Variants in RNASE13 observed in about 807,000 individuals in gnomAD.
RNASE13 encodes ribonuclease A family member 13 (inactive).
For synonymous variants in RNASE13, 67 were observed against 71.6 expected (o/e 0.94, Z 0.32); for missense variants, 188 against 192.8 (o/e 0.98, Z 0.15).
chr14:21,033,542 C>T lies in RNASE13; in HGVS notation c.*276G>A. The T allele has an allele frequency of 2.0e-6, 1 of 488,606 alleles. No individual in the cohort carries two copies. 30.3% of individuals were successfully genotyped at this position (488,606 alleles called of 1,614,324 possible). ...GTGGACAGTCACTGCCAACTGGACA[C>T]AGTCAACTTCTTGGGTGGGTTTTAC... On this transcript the variant is annotated 3_prime_UTR_variant, in exon 2 of 2. Coordinates refer to ENST00000382951, the MANE Select transcript of RNASE13 (RefSeq NM_001012264.4).
In RNASE13 at chr14:21,032,926, A is replaced by C; in HGVS notation, c.*892T>G. 1 of 455,886 alleles carries C rather than the reference A, an allele frequency of 2.2e-6. No homozygotes were observed. Among genetic ancestry groups the C allele is most frequent in the South Asian group, 1.5e-5 (1 of 64,542 alleles). 28.2% of individuals were successfully genotyped at this position (455,886 alleles called of 1,614,324 possible). A position where few individuals can be genotyped will look rare whatever the true frequency, so the allele number is the denominator to read the frequency against. ...CTTCACCCAGTTTCCCCCAATGGTT[A>C]CATCTTACATACTCAGATGTGGTTT... is the stretch of plus-strand genomic sequence containing the variant. On this transcript the variant is annotated 3_prime_UTR_variant, in exon 2 of 2. Transcript: ENST00000382951.
chr14:21,034,184 T>G lies in RNASE13; in HGVS notation c.105A>C (p.Leu35Phe), dbSNP rs780855007. The G allele has an allele frequency of 2.5e-6, 4 of 1,613,734 alleles. No individual in the cohort carries two copies. The highest frequency in any genetic ancestry group is 3.4e-6 in the Non-Finnish European group (4 of 1,179,854). ...AGTTAACCCTGGGATAGTCAATGCT[T>G]AAGGTATAGAAGTTCCTGCTGCCAA... is the stretch of plus-strand genomic sequence containing the variant. ...MQIGSRNFYTLSIDYPRVNYP... is the reference protein window; with the variant it reads ...MQIGSRNFYTFSIDYPRVNYP... Residue 35 changes from leucine to phenylalanine, a missense_variant, in exon 2 of 2, where the codon TTA (leucine) becomes TTC (phenylalanine). By Grantham distance (22) the Leu-to-Phe change is conservative (BLOSUM62 0). Coordinates refer to ENST00000382951, the MANE Select transcript of RNASE13 (RefSeq NM_001012264.4).
intron 1 of RNASE13, 93 bp from the exon 2 acceptor site, chr14:21,034,389 T>G: frequency 1.2e-6 from 1 of 823,854 alleles, no homozygotes; most frequent in Non-Finnish European, 1.9e-6. Context: ...CCAACAGTAC[T>G]TTAGAGATCA....
At chr14:21,034,384 A>G in intron 1 of RNASE13, 88 bp from the exon 2 acceptor site, 1 of 838,426 alleles carries the variant, frequency 1.2e-6, no homozygotes, top group Non-Finnish European at 1.9e-6. Flanking sequence ...CCAACCCAAC[A>G]GTACTTTAGA....
rs766963017 is a variant in RNASE13 at position 21,034,141 on chromosome 14, C to T, written c.148G>A (p.Gly50Ser). 6.2e-7 allele frequency: 1 copy of T among 1,614,106 alleles called. No homozygotes were observed. Among genetic ancestry groups the T allele is most frequent in the South Asian group, 1.1e-5 (1 of 91,072 alleles). Reference sequence around the variant, plus strand: ...TAGGACATCAGACCATTACAATAGCCCCGGAAACCCTTTGGGTAGTTAACC... The same window carrying T: ...TAGGACATCAGACCATTACAATAGCTCCGGAAACCCTTTGGGTAGTTAACC... ...PRVNYPKGFR[G>S]YCNGLMSYMR... The change falls in exon 2 of 2, where the codon GGC (glycine) becomes AGC (serine). Residue 50 changes from glycine to serine, a missense_variant. Transcript: ENST00000382951.
In RNASE13 at chr14:21,034,100, C is replaced by T. The variant is rs1884447688; in HGVS notation, c.189G>A (p.Met63Ile). 1 of 1,614,056 alleles carries T rather than the reference C, an allele frequency of 6.2e-7. No individual in the cohort carries two copies. The highest frequency in any genetic ancestry group is 8.5e-7 in the Non-Finnish European group (1 of 1,180,026). Reference protein sequence around the residue: ...NGLMSYMRGKMQNSDCPKIHY... With the variant: ...NGLMSYMRGKIQNSDCPKIHY... Reference sequence around the variant, plus strand: ...GGATCTTTGGGCAATCTGAATTTTGCATCTTGCCTCGCATATAGGACATCA... The same window carrying T: ...GGATCTTTGGGCAATCTGAATTTTGTATCTTGCCTCGCATATAGGACATCA... Residue 63 changes from methionine (M) to isoleucine (I), a missense_variant, in exon 2 of 2, where the codon ATG becomes ATA. Physicochemically the swap from Met to Ile is conservative, Grantham distance 10. Transcript: ENST00000382951.
Position 21,033,848 on chromosome 14 carries a change from T to C in RNASE13, c.441A>G (p.Ile147Met). The C allele has an allele frequency of 6.2e-7, 1 of 1,613,360 alleles. No homozygotes were observed. Among genetic ancestry groups the C allele is most frequent in the South Asian group, 1.1e-5 (1 of 91,068 alleles). The change falls in exon 2 of 2, where the codon ATA becomes ATG. Residue 147 changes from isoleucine to methionine, a missense_variant. Ile to Met is a conservative substitution (Grantham distance 10, BLOSUM62 1). Coordinates refer to ENST00000382951, the MANE Select transcript of RNASE13 (RefSeq NM_001012264.4). ...TTCCCGAATAGAGACCAGCGATACC[T>C]ATTGGATCAGCTTCATACTTGCGGG... The part of the protein sequence containing the change: ...LCSRKYEADP[I>M]GIAGLYSGI
At position 21,032,857 on chromosome 14, in the gene RNASE13, T is replaced by A. The variant is rs1176883423; in HGVS notation, c.*961A>T. ...TTTTTATTTTGAATTGATTATGGGTTGACAGGAAGTTACAAAAAATGGTAC... is the reference window on the plus strand; with the variant it reads ...TTTTTATTTTGAATTGATTATGGGTAGACAGGAAGTTACAAAAAATGGTAC... On this transcript the variant is annotated 3_prime_UTR_variant, in exon 2 of 2. Transcript: ENST00000382951. The A allele has an allele frequency of 2.3e-6, 1 of 438,242 alleles. No homozygotes were observed. Among genetic ancestry groups the A allele is most frequent in the African/African-American group, 2.0e-5 (1 of 48,832 alleles). The allele number at this position is 438,242 out of a possible 1,614,324, so 27.1% of individuals were successfully genotyped here.
intron 1 of RNASE13, 65 bp from the exon 2 acceptor site, chr14:21,034,361 G>T: frequency 9.2e-7 from 1 of 1,086,536 alleles, no homozygotes; most frequent in African/African-American, 1.6e-5. Flanking sequence ...ACATCCCAGA[G>T]CCTCCAGCAT....
chr14:21,034,395 G>T, intron 1 of RNASE13, 99 bp from the exon 2 acceptor site: 1 of 798,242 alleles, frequency 1.3e-6, no homozygotes, highest in Non-Finnish European at 2.0e-6. Context: ...GTACTTTAGA[G>T]ATCATCTCAC....
rs1332609184 is a variant in RNASE13 at position 21,033,817 on chromosome 14, A to G, written c.*1T>C. ...GTAGAGGTTGGGGAGTGGCTCAGGA[A>G]TTAAATTCCCGAATAGAGACCAGCG... On this transcript the variant is annotated 3_prime_UTR_variant, in exon 2 of 2. Transcript: ENST00000382951. 6.3e-7 allele frequency: 1 copy of G among 1,597,624 alleles called. No homozygotes were observed. Among genetic ancestry groups the G allele is most frequent in the Admixed American group, 1.7e-5 (1 of 59,984 alleles).
In RNASE13 at chr14:21,033,712, C is replaced by A. The variant is rs1300939661; in HGVS notation, c.*106G>T. On this transcript the variant is annotated 3_prime_UTR_variant, in exon 2 of 2. Coordinates refer to ENST00000382951, the MANE Select transcript of RNASE13 (RefSeq NM_001012264.4). ...CCCACCTGGTCTCTTGGGAGGGGAC[C>A]CTGCCTGCCTCGTAAGTCAGGAAGG... 6 of 835,544 alleles carry A rather than the reference C, an allele frequency of 7.2e-6. No homozygotes were observed. The highest frequency in any genetic ancestry group is 1.7e-5 in the African/African-American group (1 of 60,284). The allele number at this position is 835,544 out of a possible 1,614,324, so 51.8% of individuals were successfully genotyped here.
chr14:21,033,153 A>G lies in RNASE13; in HGVS notation c.*665T>C, dbSNP rs1377253189. The G allele has an allele frequency of 2.7e-6, 1 of 375,502 alleles. No homozygotes were observed. Among genetic ancestry groups the G allele is most frequent in the Non-Finnish European group, 5.2e-6 (1 of 193,106 alleles). 23.3% of individuals were successfully genotyped at this position (375,502 alleles called of 1,614,324 possible). On this transcript the variant is annotated 3_prime_UTR_variant, in exon 2 of 2. Transcript: ENST00000382951. ...GAAGAAAAAGAGGTTGGAAAAAGGA[A>G]GGCAGGGTGACTACGGTTGTTGGGA...
intron 1 of RNASE13, 79 bp from the exon 2 acceptor site, chr14:21,034,375 C>A: frequency 1.1e-6 from 1 of 923,210 alleles, no homozygotes. Flanking sequence ...CCAGCATTCC[C>A]AACCCAACAG....
chr14:21,032,993 C>T lies in RNASE13; in HGVS notation c.*825G>A, dbSNP rs1457794286. 2.2e-6 allele frequency: 1 copy of T among 455,958 alleles called. No homozygotes were observed. The highest frequency in any genetic ancestry group is 4.4e-6 in the Non-Finnish European group (1 of 226,864). The allele number at this position is 455,958 out of a possible 1,614,324, so 28.2% of individuals were successfully genotyped here. ...ATTAGAGCCGGGCCTGCCTCATTCG[C>T]TGCCTGGTCAGGGGCAGACTCTGGA... On this transcript the variant is annotated 3_prime_UTR_variant, in exon 2 of 2. Transcript: ENST00000382951.
chr14:21,033,864 T>A lies in RNASE13; in HGVS notation c.425A>T (p.Tyr142Phe), dbSNP rs140148764. The stretch of plus-strand genomic sequence containing the variant: ...AGCGATACCTATTGGATCAGCTTCA[T>A]ACTTGCGGGAGCAGAGTAGGTAGAG... ...QKLYLLCSRKYEADPIGIAGL... is the reference protein window; with the variant it reads ...QKLYLLCSRKFEADPIGIAGL... The change falls in exon 2 of 2, where the codon TAT becomes TTT. Residue 142 changes from tyrosine to phenylalanine, a missense_variant. Physicochemically the swap from Tyr to Phe is conservative, Grantham distance 22. Transcript: ENST00000382951. The A allele has an allele frequency of 6.2e-7, 1 of 1,614,110 alleles. No individual in the cohort carries two copies.
In RNASE13 at chr14:21,033,548, A is replaced by G; in HGVS notation, c.*270T>C. Reference sequence around the variant, plus strand: ...AGTCACTGCCAACTGGACACAGTCAACTTCTTGGGTGGGTTTTACTGTCTC... The same window carrying G: ...AGTCACTGCCAACTGGACACAGTCAGCTTCTTGGGTGGGTTTTACTGTCTC... On this transcript the variant is annotated 3_prime_UTR_variant, in exon 2 of 2. Transcript: ENST00000382951. 2.0e-6 allele frequency: 1 copy of G among 500,512 alleles called. No individual in the cohort carries two copies. Among genetic ancestry groups the G allele is most frequent in the Non-Finnish European group, 3.6e-6 (1 of 274,580 alleles). The allele number at this position is 500,512 out of a possible 1,614,324, so 31.0% of individuals were successfully genotyped here.
rs1472931521 is a variant in RNASE13 at position 21,034,251 on chromosome 14, A to G, written c.38T>C (p.Leu13Pro). 1 of 1,613,760 alleles carries G rather than the reference A, an allele frequency of 6.2e-7. No homozygotes were observed. The highest frequency in any genetic ancestry group is 2.2e-5 in the East Asian group (1 of 44,886). Residue 13 changes from leucine to proline, a missense_variant, in exon 2 of 2, where the codon CTT (leucine) becomes CCT (proline). By Grantham distance (98) the Leu-to-Pro change is moderately conservative. Coordinates refer to ENST00000382951, the MANE Select transcript of RNASE13 (RefSeq NM_001012264.4). Reference sequence around the variant, plus strand: ...CATGACCAGAGTTGGCCCCAGAACAAGCTGGAGGAAAAGGAGCCGGGTCAC... The same window carrying G: ...CATGACCAGAGTTGGCCCCAGAACAGGCTGGAGGAAAAGGAGCCGGGTCAC... ...PAVTRLLFLQ[L>P]VLGPTLVMDI...
Position 21,033,631 on chromosome 14 carries a change from G to C in RNASE13, c.*187C>G. On this transcript the variant is annotated 3_prime_UTR_variant, in exon 2 of 2. Coordinates refer to ENST00000382951, the MANE Select transcript of RNASE13 (RefSeq NM_001012264.4). ...GAAGAGGGGGTAAACAAGCTGGAAAGAACCTAGAAGATAGCACCACTTTGC... is the reference window on the plus strand; with the variant it reads ...GAAGAGGGGGTAAACAAGCTGGAAACAACCTAGAAGATAGCACCACTTTGC... The C allele has an allele frequency of 1.6e-6, 1 of 607,322 alleles. No individual in the cohort carries two copies. The allele number at this position is 607,322 out of a possible 1,614,324, so 37.6% of individuals were successfully genotyped here.
Sources: gnomAD v4.1 joint callset for allele counts on GRCh38, gnomAD v4.1.1 for gene constraint, MANE v1.5 for transcripts, NCBI Gene and HGNC (gene_info 2026-07-23, HGNC 2026-07-21) for gene names.